CHAT: variants seen among roughly 807,000 people sequenced by gnomAD.
The protein encoded by CHAT is choline O-acetyltransferase, also known as acetyl CoA:choline O-acetyltransferase.
In CHAT, 61 loss-of-function variants were observed where a neutral mutation model predicts 76.9. That is an observed-to-expected ratio of 0.79 (90% CI 0.65 to 0.98). The LOEUF is 0.98. CHAT is among the 50% of genes least tolerant of loss of function. CHAT has a pLI of 0.00. For missense variants in CHAT, 946 were observed against 986.9 expected (o/e 0.96, Z 0.56); for synonymous variants, 407 against 397.4 (o/e 1.02, Z -0.29).
In CHAT at chr10:49,662,297, G is replaced by A. The variant is rs868058974; in HGVS notation, c.1840-348G>A. ...CCCTGCCCAAGCAGTTGGTAGTTGA[G>A]AAGACCAGGCCAGCCCCATTCTTTC... On this transcript the variant is annotated intron_variant, in intron 13 of 14. Transcript: ENST00000337653. Among the ~76,000 whole-genome samples, 43 of 152,340 alleles carry A rather than the reference G, an allele frequency of 2.8e-4. 1 individual carries two copies. The highest frequency in any genetic ancestry group is 3.4e-3 in the Middle Eastern group (1 of 294).
At chr10:49,627,416 A>G (rs556075463) in intron 6 of CHAT, among the ~76,000 whole-genome samples, 192 bp from the exon 7 acceptor site, 1 of 152,124 alleles carries the variant, frequency 6.6e-6, no homozygotes, top group Non-Finnish European at 1.5e-5. Flanking sequence ...GCCTTCTTTG[A>G]TTGGGGGCAG....
intron 13 of CHAT, among the ~76,000 whole-genome samples, chr10:49,659,604 G>A (rs533533623): frequency 5.3e-5 from 8 of 152,360 alleles, no homozygotes; most frequent in African/African-American, 1.9e-4. Flanking sequence ...GCTCATGCCT[G>A]TAATCCTAGC....
Position 49,655,453 on chromosome 10 carries a change from G to A in CHAT, c.1839+5G>A, listed in dbSNP as rs759084911. 1.2e-6 allele frequency: 2 copies of A among 1,613,522 alleles called. No individual in the cohort carries two copies. Among genetic ancestry groups the A allele is most frequent in the South Asian group, 1.1e-5 (1 of 91,080 alleles). On this transcript the variant is annotated splice_donor_5th_base_variant and intron_variant, in intron 13 of 14. Coordinates refer to ENST00000337653, the MANE Select transcript of CHAT (RefSeq NM_020549.5). The stretch of plus-strand genomic sequence containing the variant: ...CAGACTGCATACACAGTCATGGTGA[G>A]TGACGTCGCACCACCTCACAACACT...
upstream of CHAT, chr10:49,611,845 G>A: frequency 6.2e-7 from 1 of 1,604,780 alleles, no homozygotes. Flanking sequence ...TGTGATCGGC[G>A]CCAGCTCGTG....
chr10:49,640,769 C>T (rs1245050186), intron 7 of CHAT, among the ~76,000 whole-genome samples: 2 of 152,146 alleles, frequency 1.3e-5, no homozygotes, highest in Non-Finnish European at 1.5e-5. Flanking sequence ...AAGTAGAACG[C>T]TTATTACCTA....
intron 7 of CHAT, among the ~76,000 whole-genome samples, chr10:49,630,106 G>C (rs540575732): frequency 2.8e-4 from 43 of 152,264 alleles, no homozygotes; most frequent in African/African-American, 8.4e-4. Context: ...TGGGTCATCT[G>C]GGTGGAGACG....
At chr10:49,610,712 C>A (rs749508695), upstream of CHAT, 4 of 1,465,174 alleles carry the variant, frequency 2.7e-6, no homozygotes, top group Admixed American at 5.5e-5. Flanking sequence ...CTGGCGGAGG[C>A]GTCCTCGGAA....
chr10:49,614,243 G>C lies in CHAT; in HGVS notation c.54G>C (p.Lys18Asn). 1 of 1,544,566 alleles carries C rather than the reference G, an allele frequency of 6.5e-7. No homozygotes were observed. The highest frequency in any genetic ancestry group is 8.7e-7 in the Non-Finnish European group (1 of 1,144,158). ...GGCTTGGGGGAGGGGGGAAATGGAA[G>C]AGAGAGGAGGGAGGAGGTACAAGAG... ...KRGLGGGGKW[K>N]REEGGGTRGR... Residue 18 changes from lysine to asparagine, a missense_variant, in exon 1 of 15, where the codon AAG becomes AAC. By Grantham distance (94) the Lys-to-Asn change is moderately conservative. This residue lies in a region of CHAT where 548 missense variants were observed against 516.2 expected (regional missense o/e 1.06). Coordinates refer to ENST00000337653, the MANE Select transcript of CHAT (RefSeq NM_020549.5).
intron 7 of CHAT, among the ~76,000 whole-genome samples, chr10:49,632,235 T>C (rs1294374905): frequency 6.6e-6 from 1 of 152,116 alleles, no homozygotes; most frequent in Non-Finnish European, 1.5e-5. Context: ...ATGGCCCGTC[T>C]GAGACAGGCA....
rs981355583 is a variant in CHAT, at chr10:49,666,113, C to T, written c.*1067C>T. Among the ~76,000 whole-genome samples, 3 of 152,186 alleles carry T rather than the reference C, an allele frequency of 2.0e-5. No individual in the cohort carries two copies. The highest frequency in any genetic ancestry group is 2.9e-5 in the Non-Finnish European group (2 of 68,030). On this transcript the variant is annotated 3_prime_UTR_variant, in exon 15 of 15. Transcript: ENST00000337653. Reference sequence around the variant, plus strand: ...ATTTGGAGCAGGCTATCCAGGGACTCTGACAAAAACCCATGTGGTAGAGCC... The same window carrying T: ...ATTTGGAGCAGGCTATCCAGGGACTTTGACAAAAACCCATGTGGTAGAGCC...
rs2132812100 is a variant in CHAT, at chr10:49,649,562, C to T, written c.1437C>T (p.Ala479=). Residue 479 remains alanine, a synonymous_variant, in exon 10 of 15, where the codon GCC becomes GCT. Coordinates refer to ENST00000337653, the MANE Select transcript of CHAT (RefSeq NM_020549.5). ...CAGACTCCGTCAGCGAGCTCCCCGC[C>T]CCCCGGAGGCTGCGGTGGAAATGCT... The part of the protein sequence containing the change: ...IRADSVSELP[A]PRRLRWKCSP... 1 of 1,613,902 alleles carries T rather than the reference C, an allele frequency of 6.2e-7. No individual in the cohort carries two copies. Among genetic ancestry groups the T allele is most frequent in the Non-Finnish European group, 8.5e-7 (1 of 1,180,044 alleles).
In CHAT at chr10:49,620,566, C is replaced by A. The variant is rs575515952; in HGVS notation, c.651C>A (p.Ala217=). Residue 217 remains alanine (A), a synonymous_variant, in exon 4 of 15, where the codon GCC becomes GCA. Transcript: ENST00000337653. ...RLALPVNSSP[A]VIFARQHFPG... is the part of the protein sequence containing the mutation. The stretch of plus-strand genomic sequence containing the variant: ...CCCTGCCTGTCAACTCCAGCCCTGC[C>A]GTGATCTTTGCTCGGCAGCACTTCC... 6.2e-7 allele frequency: 1 copy of A among 1,613,846 alleles called. No homozygotes were observed. Among genetic ancestry groups the A allele is most frequent in the East Asian group, 2.2e-5 (1 of 44,846 alleles).
At chr10:49,633,302 T>C (rs886271590) in intron 7 of CHAT, among the ~76,000 whole-genome samples, 3 of 152,228 alleles carry the variant, frequency 2.0e-5, no homozygotes, top group African/African-American at 2.4e-5. Flanking sequence ...CAGGCCAGGC[T>C]GGGACCTGCT....
At chr10:49,664,725 C>T (rs1840299064) in intron 14 of CHAT, 52 bp from the exon 15 acceptor site, 1 of 1,612,524 alleles carries the variant, frequency 6.2e-7, no homozygotes, top group Non-Finnish European at 8.5e-7. Context: ...CCAGTCGAGG[C>T]TGGCGGGCTG....
chr10:49,610,435 C>A (rs1475651313), upstream of CHAT: 1 of 334,282 alleles, frequency 3.0e-6, no homozygotes, highest in Non-Finnish European at 5.4e-6. Context: ...CTGCTCTGGG[C>A]GCGCCCCGGG....
In CHAT at chr10:49,614,168, T is replaced by C; in HGVS notation, c.-22T>C. 8 of 1,416,878 alleles carry C rather than the reference T, an allele frequency of 5.6e-6. No homozygotes were observed. Among genetic ancestry groups the C allele is most frequent in the Non-Finnish European group, 7.3e-6 (8 of 1,094,690 alleles). The allele number at this position is 1,416,878 out of a possible 1,614,324, so 87.8% of individuals were successfully genotyped here. A position where few individuals can be genotyped will look rare whatever the true frequency, so the allele number is the denominator to read the frequency against. ...TCTGGGGGCCGGGAGCTGAGATCCCTGGGCGGGGAGCTGGGGAAGGGATGG... is the reference window on the plus strand; with the variant it reads ...TCTGGGGGCCGGGAGCTGAGATCCCCGGGCGGGGAGCTGGGGAAGGGATGG... On this transcript the variant is annotated 5_prime_UTR_variant, in exon 1 of 15. Coordinates refer to ENST00000337653, the MANE Select transcript of CHAT (RefSeq NM_020549.5).
At chr10:49,616,070 A>C (rs1433240055) in intron 1 of CHAT, 6 of 1,613,922 alleles carry the variant, frequency 3.7e-6, no homozygotes, top group Non-Finnish European at 5.1e-6. Context: ...CGGAATGCAG[A>C]GATGAAGCAC....
intron 7 of CHAT, among the ~76,000 whole-genome samples, chr10:49,637,222 T>C (rs138415572): frequency 6.6e-6 from 1 of 152,344 alleles, no homozygotes; most frequent in African/African-American, 2.4e-5. Flanking sequence ...GGTAAGAAAT[T>C]ATTGATTTGA....
intron 1 of CHAT, chr10:49,616,130 G>A (rs1001017199): frequency 6.4e-7 from 1 of 1,569,102 alleles, no homozygotes; most frequent in Non-Finnish European, 8.8e-7. Flanking sequence ...GGGAAAGAGA[G>A]AGTTTGATTG....
Sources: gnomAD v4.1 joint callset for allele counts (sites outside exome capture counted in the v4.1 genomes callset) on GRCh38, gnomAD v4.1.1 for gene constraint, gnomAD v4.1.1 regional missense constraint, MANE v1.5 for transcripts, NCBI Gene and HGNC (gene_info 2026-07-23, HGNC 2026-07-21) for gene names.